The following ANKRD28 variants were observed in gnomAD, a reference collection of about 807,000 sequenced individuals.
The protein encoded by ANKRD28 is serine/threonine-protein phosphatase 6 regulatory ankyrin repeat subunit A.
A neutral mutation model predicts 126.5 loss-of-function variants in ANKRD28; 44 were observed. That is an observed-to-expected ratio of 0.35 (90% CI 0.27 to 0.45). ANKRD28 has a LOEUF of 0.45. ANKRD28 is among the 20% of genes least tolerant of loss of function. The pLI, the probability that ANKRD28 is intolerant of heterozygous loss-of-function variation, is 1.00. For synonymous variants in ANKRD28, 442 were observed against 468.5 expected (o/e 0.94, Z 0.73); for missense variants, 1,110 against 1,316.6 (o/e 0.84, Z 2.43).
intron 1 of ANKRD28, among the ~76,000 whole-genome samples, chr3:15,795,841 T>C (rs1206147304): frequency 1.3e-5 from 2 of 152,106 alleles, no homozygotes; most frequent in South Asian, 2.1e-4. Flanking sequence ...CTTAAATAAC[T>C]TGAAAAGACA....
rs2060177102 is a variant in ANKRD28 at position 15,794,338 on chromosome 3, A to G, written c.201+885T>C. ...ACAGCAGTATTATATTAAAAAAAAAAGGAGGAAAGATGAGAGTTAAAAATG... is the reference window on the plus strand; with the variant it reads ...ACAGCAGTATTATATTAAAAAAAAAGGGAGGAAAGATGAGAGTTAAAAATG... On this transcript the variant is annotated intron_variant, in intron 2 of 27. Transcript: ENST00000683139. 6.0e-5 allele frequency among the ~76,000 whole-genome samples: 9 copies of G among 149,634 alleles called. No individual in the cohort carries two copies. In the South Asian group the frequency reaches 1.9e-3, roughly 32 times the overall value.
intron 1 of ANKRD28, among the ~76,000 whole-genome samples, chr3:15,850,508 C>T (rs1559598676): frequency 1.3e-5 from 2 of 152,056 alleles, no homozygotes; most frequent in African/African-American, 4.8e-5. Context: ...CCTTTTCCAG[C>T]ATCTGGGCTC....
chr3:15,720,744 A>C (rs1034338900), intron 8 of ANKRD28, among the ~76,000 whole-genome samples, 171 bp downstream of exon 8: 1 of 152,194 alleles, frequency 6.6e-6, no homozygotes, highest in Non-Finnish European at 1.5e-5. Context: ...ACATAAATGG[A>C]AAGAATGTAC....
At chr3:15,712,740 T>C (rs2455835) in intron 10 of ANKRD28, among the ~76,000 whole-genome samples, 101,858 of 152,088 alleles carry the variant, frequency 0.67, 34,604 homozygotes, top group East Asian at 0.91. Flanking sequence ...AATGAATATA[T>C]TGTGAAATCT....
At chr3:15,686,852 T>A (rs1219003904) in intron 18 of ANKRD28, among the ~76,000 whole-genome samples, 1 of 151,952 alleles carries the variant, frequency 6.6e-6, no homozygotes, top group Non-Finnish European at 1.5e-5. Flanking sequence ...TCCCACAACA[T>A]GAATGCAAAT....
rs6775188 is a variant in ANKRD28 at position 15,741,060 on chromosome 3, G to C, written c.352-3827C>G. Reference sequence around the variant, plus strand: ...CTAAATATACAAAAATTAGCCAGGTGGGGGGGCGGGCGCCTGTAGTCCCAG... The same window carrying C: ...CTAAATATACAAAAATTAGCCAGGTCGGGGGGCGGGCGCCTGTAGTCCCAG... On this transcript the variant is annotated intron_variant, in intron 4 of 27. Coordinates refer to ENST00000683139, the MANE Select transcript of ANKRD28 (RefSeq NM_001349278.2). 4.9e-4 allele frequency among the ~76,000 whole-genome samples: 74 copies of C among 152,162 alleles called. 1 individual carries two copies. Among genetic ancestry groups the C allele is most frequent in the Admixed American group, 1.0e-3 (16 of 15,284 alleles).
At chr3:15,820,236 T>C (rs1007294465) in intron 1 of ANKRD28, among the ~76,000 whole-genome samples, 7 of 152,136 alleles carry the variant, frequency 4.6e-5, no homozygotes, top group Non-Finnish European at 1.0e-4. Flanking sequence ...TGTATATATA[T>C]GCATATATAT....
intron 6 of ANKRD28, among the ~76,000 whole-genome samples, chr3:15,733,912 AC>A (rs2074833278): frequency 6.6e-6 from 1 of 152,216 alleles, no homozygotes; most frequent in Admixed American, 6.5e-5. Flanking sequence ...GGTATCTATA[AC>A]TGGTTTGAAA....
rs1374576950 is a variant in ANKRD28, at chr3:15,817,133, G to C, written c.28-21827C>G. Among the ~76,000 whole-genome samples the C allele has an allele frequency of 6.6e-6, 1 of 152,084 alleles. No individual in the cohort carries two copies. The highest frequency in any genetic ancestry group is 1.5e-5 in the Non-Finnish European group (1 of 68,026). ...CAGAGTGAGCATCGTTTAAGGTAGG[G>C]GCTGTGTCTCACTCATTTCATCAGT... On this transcript the variant is annotated intron_variant, in intron 1 of 27. Coordinates refer to the ANKRD28 transcript ENST00000399451. This position sits in a 1 kb window ranked among gnomAD's most constrained non-coding sequence, Gnocchi z 4.5.
chr3:15,832,333 A>C (rs897658439), intron 1 of ANKRD28, among the ~76,000 whole-genome samples: 4 of 152,196 alleles, frequency 2.6e-5, no homozygotes, highest in Non-Finnish European at 1.5e-5. Context: ...ACATACCTAC[A>C]TTTAAAATTC....
At chr3:15,810,844 C>A (rs1473046213) in intron 1 of ANKRD28, among the ~76,000 whole-genome samples, 1 of 152,064 alleles carries the variant, frequency 6.6e-6, no homozygotes, top group Non-Finnish European at 1.5e-5. Flanking sequence ...AAGACCACAA[C>A]TTGAACACTG....
chr3:15,677,889 T>C (rs541344117), intron 24 of ANKRD28, among the ~76,000 whole-genome samples: 100 of 152,292 alleles, frequency 6.6e-4, no homozygotes, highest in African/African-American at 2.3e-3. Context: ...ATACTGTTAT[T>C]TTTCTCATTT....
chr3:15,758,641 T>C (rs1463047002), intron 3 of ANKRD28, among the ~76,000 whole-genome samples: 1 of 152,190 alleles, frequency 6.6e-6, no homozygotes, highest in Non-Finnish European at 1.5e-5. Context: ...AGAGATACCC[T>C]GAACAGATCC....
chr3:15,827,042 A>T (rs1167499225), intron 1 of ANKRD28, among the ~76,000 whole-genome samples: 1 of 152,186 alleles, frequency 6.6e-6, no homozygotes, highest in African/African-American at 2.4e-5. Flanking sequence ...ATCACCAGGG[A>T]AAGGCAAATT....
chr3:15,715,074 A>T (rs990221420), intron 8 of ANKRD28, among the ~76,000 whole-genome samples: 5 of 152,222 alleles, frequency 3.3e-5, no homozygotes, highest in Admixed American at 2.6e-4. Flanking sequence ...AAAACTACAT[A>T]TATTTGTTTA....
chr3:15,762,776 G>A (rs2058557997), intron 3 of ANKRD28, among the ~76,000 whole-genome samples: 1 of 152,070 alleles, frequency 6.6e-6, no homozygotes, highest in Non-Finnish European at 1.5e-5. Context: ...AAAAAAAATA[G>A]CCATAATTTT....
intron 1 of ANKRD28, among the ~76,000 whole-genome samples, chr3:15,822,320 G>A (rs2060960845): frequency 6.6e-6 from 1 of 152,148 alleles, no homozygotes; most frequent in Non-Finnish European, 1.5e-5. Flanking sequence ...GGGAGATCGA[G>A]GCATTTAGGA....
At chr3:15,682,440 A>G (rs1471830411) in intron 21 of ANKRD28, among the ~76,000 whole-genome samples, 4 of 152,178 alleles carry the variant, frequency 2.6e-5, no homozygotes, top group Non-Finnish European at 4.4e-5. Flanking sequence ...ATAACTTTCT[A>G]TCATCATTTA....
intron 1 of ANKRD28, among the ~76,000 whole-genome samples, chr3:15,842,212 T>C (rs920076230): frequency 1.1e-4 from 17 of 152,026 alleles, no homozygotes; most frequent in African/African-American, 3.9e-4. Flanking sequence ...CATACACACA[T>C]ACTGTTCAGC....
Sources: allele counts gnomAD v4.1 joint callset (sites outside exome capture counted in the v4.1 genomes callset), GRCh38; gene constraint gnomAD v4.1.1; non-coding constraint Gnocchi (gnomAD v3.1); transcripts MANE v1.5; gene names NCBI Gene and HGNC (gene_info 2026-07-23, HGNC 2026-07-21).